Variants in DNER observed in about 807,000 individuals in gnomAD.
DNER encodes the protein delta/notch like EGF repeat containing.
In DNER, 33 loss-of-function variants were observed where a neutral mutation model predicts 78.2. That is an observed-to-expected ratio of 0.42 (90% CI 0.32 to 0.56). The LOEUF is 0.56. DNER is among the 20% of genes least tolerant of loss of function. DNER has a pLI of 0.11. For missense variants in DNER, 918 were observed against 975.3 expected, an observed-to-expected ratio of 0.94 and a Z score of 0.78; for synonymous variants, 417 against 384.8, an observed-to-expected ratio of 1.08 and a Z score of -0.98.
intron 1 of DNER, among the ~76,000 whole-genome samples, chr2:229,683,909 G>T (rs942714100): frequency 6.6e-6 from 1 of 152,116 alleles, no homozygotes; most frequent in Non-Finnish European, 1.5e-5. Flanking sequence ...GGAGGAGGTT[G>T]CCTTCATGGG....
intron 1 of DNER, among the ~76,000 whole-genome samples, chr2:229,634,264 T>C (rs900305008): frequency 1.3e-5 from 2 of 152,194 alleles, no homozygotes; most frequent in African/African-American, 4.8e-5. Flanking sequence ...TTTCCTTCCT[T>C]CCTTCCTTCC....
At chr2:229,433,820 C>CAT (rs1329241431) in intron 8 of DNER, among the ~76,000 whole-genome samples, 1 of 152,152 alleles carries the variant, frequency 6.6e-6, no homozygotes, top group African/African-American at 2.4e-5. Flanking sequence ...AATTGACTAT[C>CAT]ATATACTAGA....
intron 4 of DNER, among the ~76,000 whole-genome samples, chr2:229,578,466 C>T (rs1697340161): frequency 6.6e-6 from 1 of 152,200 alleles, no homozygotes; most frequent in African/African-American, 2.4e-5. Flanking sequence ...GAATACACAT[C>T]TAGAGACTTG....
intron 6 of DNER, among the ~76,000 whole-genome samples, chr2:229,487,462 T>C (rs1000249167): frequency 3.3e-5 from 5 of 152,248 alleles, no homozygotes; most frequent in African/African-American, 9.6e-5. Flanking sequence ...AATTCAATAC[T>C]TAGAATTCAA....
chr2:229,677,550 C>T (rs75153883), intron 1 of DNER, among the ~76,000 whole-genome samples: 3,215 of 152,316 alleles, frequency 0.021, 104 homozygotes, highest in Middle Eastern at 0.065. Context: ...GCAGCTATAA[C>T]TTTGAAGACC....
chr2:229,714,523 G>A lies in DNER; in HGVS notation c.-100C>T, dbSNP rs1699965554. ...TGCGAGAGCGACGGTGGCGGCTAGG[G>A]CTGCTCCGCCGGGCCGGGCGCCTCC... On this transcript the variant is annotated 5_prime_UTR_variant, in exon 1 of 13. Coordinates refer to ENST00000341772, the MANE Select transcript of DNER (RefSeq NM_139072.4). 2 of 1,053,352 alleles carry A rather than the reference G, an allele frequency of 1.9e-6. No individual in the cohort carries two copies. The highest frequency in any genetic ancestry group is 4.4e-5 in the South Asian group (1 of 22,776). 65.3% of individuals were successfully genotyped at this position (1,053,352 alleles called of 1,614,324 possible). A position where few individuals can be genotyped will look rare whatever the true frequency, so the allele number is the denominator to read the frequency against.
At chr2:229,508,713 C>G (rs1369046136) in intron 6 of DNER, among the ~76,000 whole-genome samples, 1 of 151,824 alleles carries the variant, frequency 6.6e-6, no homozygotes, top group African/African-American at 2.4e-5. Context: ...AACCCCGTCT[C>G]TACTAAAAAT....
intron 1 of DNER, among the ~76,000 whole-genome samples, chr2:229,655,428 C>T (rs1305389429): frequency 6.6e-6 from 1 of 151,978 alleles, no homozygotes; most frequent in East Asian, 1.9e-4. Flanking sequence ...ATTTAAATAC[C>T]ATCAGACTCA....
At chr2:229,369,184 TAACTTTCTAAAAAGTTA>T (rs1367983730) in intron 11 of DNER, among the ~76,000 whole-genome samples, 63 of 152,114 alleles carry the variant, frequency 4.1e-4, no homozygotes, top group Non-Finnish European at 6.6e-4. Flanking sequence ...TAAAACTTTT[TAACTTTCTAAAAAGTTA>T]AACTTTCTAA....
intron 1 of DNER, among the ~76,000 whole-genome samples, chr2:229,683,149 T>C (rs571093705): frequency 1.3e-5 from 2 of 152,332 alleles, no homozygotes; most frequent in Admixed American, 1.3e-4. Flanking sequence ...TTCTATGCAG[T>C]AGGCAGTCCA....
At chr2:229,423,027 C>G (rs1483832121) in intron 8 of DNER, among the ~76,000 whole-genome samples, 1 of 152,112 alleles carries the variant, frequency 6.6e-6, no homozygotes, top group Non-Finnish European at 1.5e-5. Context: ...ACCCTCAAAA[C>G]CATGGTTCTT....
intron 1 of DNER, among the ~76,000 whole-genome samples, chr2:229,666,931 A>T (rs1699101561): frequency 6.6e-6 from 1 of 152,232 alleles, no homozygotes; most frequent in African/African-American, 2.4e-5. Flanking sequence ...AAAGCACCTG[A>T]TGGAAACTAA....
intron 6 of DNER, among the ~76,000 whole-genome samples, chr2:229,511,845 A>G (rs1270264209): frequency 4.6e-5 from 7 of 152,176 alleles, no homozygotes; most frequent in Admixed American, 3.9e-4. Context: ...AAGCCAAGAG[A>G]CATATTGCGT....
intron 6 of DNER, among the ~76,000 whole-genome samples, chr2:229,492,171 T>C (rs950718559): frequency 3.9e-5 from 6 of 152,152 alleles, no homozygotes; most frequent in African/African-American, 1.4e-4. Flanking sequence ...ACACATTCAG[T>C]AAATAATTAT....
chr2:229,418,342 C>A, intron 8 of DNER, 112 bp from the exon 9 acceptor site: 1 of 1,426,288 alleles, frequency 7.0e-7, no homozygotes. Flanking sequence ...ATGGTATAAA[C>A]AGATGGGATT....
At chr2:229,568,201 A>G (rs1368053485) in intron 4 of DNER, among the ~76,000 whole-genome samples, 1 of 151,944 alleles carries the variant, frequency 6.6e-6, no homozygotes, top group Non-Finnish European at 1.5e-5. Context: ...CCCTGCTTTC[A>G]TTTTATTTAT....
chr2:229,487,916 G>A (rs1179544907), intron 6 of DNER, among the ~76,000 whole-genome samples: 1 of 152,200 alleles, frequency 6.6e-6, no homozygotes, highest in African/African-American at 2.4e-5. Flanking sequence ...GGGAAACAAG[G>A]CTAGGCTAGG....
rs868816910 is a variant in DNER at position 229,699,907 on chromosome 2, C to T, written c.276+14241G>A. 4.0e-5 allele frequency among the ~76,000 whole-genome samples: 6 copies of T among 151,870 alleles called. 1 individual carries two copies. Among genetic ancestry groups the T allele is most frequent in the South Asian group, 4.2e-4 (2 of 4,796 alleles). On this transcript the variant is annotated intron_variant, in intron 1 of 12. Coordinates refer to ENST00000341772, the MANE Select transcript of DNER (RefSeq NM_139072.4). ...TAAAGAGCAAAACAATGAGCATAAG[C>T]GAAGTCAAATGAAAAATGATACATA...
chr2:229,662,247 A>G (rs964015660), intron 1 of DNER, among the ~76,000 whole-genome samples: 7 of 152,278 alleles, frequency 4.6e-5, no homozygotes, highest in Admixed American at 2.6e-4. Context: ...AGGCCACTTC[A>G]CCCATTGCAG....
Sources: gnomAD v4.1 joint callset for allele counts (sites outside exome capture counted in the v4.1 genomes callset) on GRCh38, gnomAD v4.1.1 for gene constraint, MANE v1.5 for transcripts, NCBI Gene and HGNC (gene_info 2026-07-23, HGNC 2026-07-21) for gene names.